Variants in IQGAP2 observed in about 807,000 individuals in gnomAD.
IQGAP2 encodes ras GTPase-activating-like protein IQGAP2.
Under a neutral mutation model 201.3 loss-of-function variants are expected in IQGAP2, and 173 were observed. That is an observed-to-expected ratio of 0.86 (90% CI 0.76 to 0.98). The LOEUF (loss-of-function observed/expected upper bound fraction) is 0.98. IQGAP2 is among the 50% of genes least tolerant of loss of function. The pLI is 0.00. For missense variants in IQGAP2, 1,687 were observed against 1,864.8 expected (o/e 0.90, Z 1.76); for synonymous variants, 675 against 673.9 (o/e 1.00, Z -0.03).
intron 23 of IQGAP2, among the ~76,000 whole-genome samples, chr5:76,669,175 A>T (rs1246900931): frequency 6.6e-6 from 1 of 152,242 alleles, no homozygotes; most frequent in Admixed American, 6.5e-5. Context: ...GGGAATGCAG[A>T]GTGCAATCTC....
At chr5:76,472,101 C>T (rs1354130904) in intron 2 of IQGAP2, among the ~76,000 whole-genome samples, 3 of 152,274 alleles carry the variant, frequency 2.0e-5, no homozygotes, top group Non-Finnish European at 2.9e-5. Flanking sequence ...GGGACCCCCT[C>T]GCAAGTCTGG....
intron 9 of IQGAP2, 145 bp downstream of exon 9, chr5:76,593,070 A>C (rs1445801693): frequency 6.0e-5 from 39 of 652,878 alleles, no homozygotes. Flanking sequence ...TGTTGCTCTT[A>C]ATTATGGTGC....
intron 2 of IQGAP2, among the ~76,000 whole-genome samples, chr5:76,502,178 A>C (rs1312325283): frequency 6.6e-6 from 1 of 152,238 alleles, no homozygotes; most frequent in Non-Finnish European, 1.5e-5. Context: ...GCACAGATAC[A>C]GTTGCTCATT....
At chr5:76,609,841 A>ATGTGTGTG (rs34776267) in intron 12 of IQGAP2, among the ~76,000 whole-genome samples, 13 of 145,430 alleles carry the variant, frequency 8.9e-5, no homozygotes, top group African/African-American at 3.3e-4. Flanking sequence ...TTATATATAT[A>ATGTGTGTG]TGTGTGTGTG....
intron 14 of IQGAP2, among the ~76,000 whole-genome samples, chr5:76,629,339 C>T (rs1051595986): frequency 6.6e-6 from 1 of 152,176 alleles, no homozygotes; most frequent in Non-Finnish European, 1.5e-5. Flanking sequence ...TGGTCACACA[C>T]TATAAGCATC....
chr5:76,510,274 A>G (rs1757884243), intron 2 of IQGAP2, among the ~76,000 whole-genome samples: 1 of 152,258 alleles, frequency 6.6e-6, no homozygotes, highest in Non-Finnish European at 1.5e-5. Flanking sequence ...TGCTGGAATT[A>G]TAGGCATGAG....
chr5:76,538,850 G>C (rs1388354495), intron 2 of IQGAP2, among the ~76,000 whole-genome samples: 2 of 152,186 alleles, frequency 1.3e-5, no homozygotes, highest in Non-Finnish European at 2.9e-5. Context: ...GGAGAGGATG[G>C]AAATGGGGAG....
chr5:76,700,783 G>A (rs1010101602), intron 33 of IQGAP2, among the ~76,000 whole-genome samples: 4 of 152,174 alleles, frequency 2.6e-5, no homozygotes, highest in African/African-American at 7.2e-5. Flanking sequence ...AATGACTAAA[G>A]ATAGCCACTT....
intron 1 of IQGAP2, chr5:76,441,613 G>A (rs893305917): frequency 4.6e-6 from 3 of 656,442 alleles, no homozygotes; most frequent in Non-Finnish European, 5.7e-6. Context: ...TTTCACTTCT[G>A]GTTCTGTTCC....
chr5:76,665,248 AT>A, intron 22 of IQGAP2, 73 bp downstream of exon 22: 1 of 1,311,752 alleles, frequency 7.6e-7, no homozygotes, highest in Non-Finnish European at 1.1e-6. Flanking sequence ...TACAGGGAGT[AT>A]TTTGTCATGC....
At chr5:76,657,958 C>G (rs1742900382) in intron 20 of IQGAP2, among the ~76,000 whole-genome samples, 1 of 152,164 alleles carries the variant, frequency 6.6e-6, no homozygotes, top group African/African-American at 2.4e-5. Flanking sequence ...TTTTACAGTC[C>G]TCCCTTCCTG....
chr5:76,613,242 T>C (rs1289634524), intron 13 of IQGAP2, among the ~76,000 whole-genome samples: 2 of 152,234 alleles, frequency 1.3e-5, no homozygotes, highest in African/African-American at 4.8e-5. Flanking sequence ...CTGGAGTCCA[T>C]ACATCCCAGG....
At chr5:76,553,535 G>T (rs187759610) in intron 2 of IQGAP2, among the ~76,000 whole-genome samples, 3 of 152,148 alleles carry the variant, frequency 2.0e-5, no homozygotes, top group African/African-American at 7.2e-5. Context: ...AACAACTTTC[G>T]TATGTTCTGC....
chr5:76,658,656 A>G lies in IQGAP2; in HGVS notation c.2518A>G (p.Ile840Val). Residue 840 changes from isoleucine to valine, a missense_variant, in exon 21 of 36, where the codon ATC becomes GTC. Coordinates refer to ENST00000274364, the MANE Select transcript of IQGAP2 (RefSeq NM_006633.5). ...IKIGLLVKNRITLEDVISHSK... is the reference protein window; with the variant it reads ...IKIGLLVKNRVTLEDVISHSK... ...GATTGGACTGCTGGTGAAGAACAGG[A>G]TCACACTAGAGGTCAGTGGGGTTTT... is the stretch of plus-strand genomic sequence containing the variant. 6.2e-7 allele frequency: 1 copy of G among 1,613,820 alleles called. No individual in the cohort carries two copies. Among genetic ancestry groups the G allele is most frequent in the Non-Finnish European group, 8.5e-7 (1 of 1,179,884 alleles).
intron 33 of IQGAP2, chr5:76,699,207 A>G (rs768750453): frequency 6.6e-6 from 1 of 152,212 alleles, no homozygotes; most frequent in Non-Finnish European, 1.5e-5. Flanking sequence ...TATAAGCGAG[A>G]ACATGTGGTA....
At chr5:76,602,500 A>C (rs895070010) in intron 11 of IQGAP2, among the ~76,000 whole-genome samples, 3 of 152,168 alleles carry the variant, frequency 2.0e-5, no homozygotes, top group Non-Finnish European at 2.9e-5. Context: ...AACCATATTC[A>C]TACCTGTAGT....
chr5:76,685,051 A>G (rs1745616565), intron 30 of IQGAP2, among the ~76,000 whole-genome samples: 3 of 152,196 alleles, frequency 2.0e-5, no homozygotes, highest in Admixed American at 2.0e-4. Flanking sequence ...TAAGCTGGAA[A>G]CAGCCCCTGT....
At chr5:76,452,443 C>T (rs1036986898) in intron 1 of IQGAP2, among the ~76,000 whole-genome samples, 3 of 151,968 alleles carry the variant, frequency 2.0e-5, no homozygotes, top group African/African-American at 7.2e-5. Context: ...TTATTACAAC[C>T]CTGGCATTCC....
In IQGAP2 at chr5:76,637,260, G is replaced by A. The variant is rs560752495; in HGVS notation, c.1923+84G>A. The A allele has an allele frequency of 1.2e-5, 13 of 1,124,988 alleles. No individual in the cohort carries two copies. In the South Asian group the frequency reaches 2.2e-4, roughly 19 times the overall value. 69.7% of individuals were successfully genotyped at this position (1,124,988 alleles called of 1,614,324 possible). A position where few individuals can be genotyped will look rare whatever the true frequency, so the allele number is the denominator to read the frequency against. ...TCTATTTCTGAATCATGGAAGTGAT[G>A]AGAGGAACTAACTGATTTATCTGAA... On this transcript the variant is annotated intron_variant, in intron 16 of 35. Coordinates refer to ENST00000274364, the MANE Select transcript of IQGAP2 (RefSeq NM_006633.5).
Sources: allele counts gnomAD v4.1 joint callset (sites outside exome capture counted in the v4.1 genomes callset), GRCh38; gene constraint gnomAD v4.1.1; transcripts MANE v1.5; gene names NCBI Gene and HGNC (gene_info 2026-07-23, HGNC 2026-07-21).